ERBB2: variants seen among roughly 807,000 people sequenced by gnomAD.
ERBB2 encodes erb-b2 receptor tyrosine kinase 2, also known as receptor tyrosine-protein kinase erbB-2.
A neutral mutation model predicts 149.0 loss-of-function variants in ERBB2; 61 were observed. The observed-to-expected ratio is 0.41, with a 90% CI of 0.33 to 0.51. The LOEUF (loss-of-function observed/expected upper bound fraction) is 0.51, where lower values mean the gene tolerates loss of function less well. Among genes scored for constraint, ERBB2 ranks in the 20% least tolerant of loss-of-function variants. The probability of loss-of-function intolerance (pLI) is 0.25; values close to 1 mark genes in which losing one functional copy is unlikely to be tolerated. For synonymous variants in ERBB2, 633 were observed against 678.8 expected (o/e 0.93, Z 1.05); for missense variants, 1,205 against 1,655.1 (o/e 0.73, Z 4.72).
intron 2 of ERBB2, chr17:39,688,815 CGTTT>C (rs1272742494): frequency 6.6e-6 from 1 of 152,370 alleles, no homozygotes; most frequent in African/African-American, 2.4e-5. Flanking sequence ...GCGCTAACTG[CGTTT>C]GTTTGTTCTT....
At chr17:39,695,977 G>A (rs559826065), upstream of ERBB2, among the ~76,000 whole-genome samples, 1 of 152,014 alleles carries the variant, frequency 6.6e-6, no homozygotes, top group Non-Finnish European at 1.5e-5. Context: ...CCTCTGTCCC[G>A]CAGTCAGCCC....
chr17:39,690,655 C>T (rs2057674892), upstream of ERBB2, among the ~76,000 whole-genome samples: 1 of 152,194 alleles, frequency 6.6e-6, no homozygotes, highest in Non-Finnish European at 1.5e-5. Context: ...TACCTGGCCT[C>T]TCTTCCCAAC....
intron 12 of ERBB2, 37 bp from the exon 13 acceptor site, chr17:39,716,264 C>T: frequency 6.5e-7 from 1 of 1,532,316 alleles, no homozygotes; most frequent in South Asian, 1.2e-5. Flanking sequence ...GGGGCCTCCC[C>T]TAAAAGTCCC....
At chr17:39,709,498 C>G (rs376845205) in intron 4 of ERBB2, 46 bp downstream of exon 4, 14 of 1,608,762 alleles carry the variant, frequency 8.7e-6, no homozygotes, top group Middle Eastern at 3.5e-4. Context: ...GACAGCCTGA[C>G]CCCAGCCGCA....
upstream of ERBB2, among the ~76,000 whole-genome samples, chr17:39,694,332 T>C (rs1363004302): frequency 7.4e-6 from 1 of 134,898 alleles, no homozygotes; most frequent in African/African-American, 2.8e-5. Context: ...CACATATATA[T>C]GTGTATATAT....
In ERBB2 at chr17:39,727,046, C is replaced by T. The variant is rs2143197563; in HGVS notation, c.3159+43C>T. 1 of 1,507,402 alleles carries T rather than the reference C, an allele frequency of 6.6e-7. No individual in the cohort carries two copies. The highest frequency in any genetic ancestry group is 8.9e-7 in the Non-Finnish European group (1 of 1,121,330). 93.4% of individuals were successfully genotyped at this position (1,507,402 alleles called of 1,614,324 possible). ...CACTGTGTGGCTGTCTGCTTACCTCCCCCAACCCCGGTGGACTAGGGTCCC... is the reference window on the plus strand; with the variant it reads ...CACTGTGTGGCTGTCTGCTTACCTCTCCCAACCCCGGTGGACTAGGGTCCC... On this transcript the variant is annotated intron_variant, in intron 25 of 26. Transcript: ENST00000269571. The surrounding 1 kb of genome is among the most constrained non-coding windows in gnomAD (Gnocchi z 4.3).
rs746020984 is a variant in ERBB2, at chr17:39,715,479, T to G, written c.1256T>G (p.Leu419Arg). 2 of 1,614,212 alleles carry G rather than the reference T, an allele frequency of 1.2e-6. No homozygotes were observed. The highest frequency in any genetic ancestry group is 1.7e-6 in the Non-Finnish European group (2 of 1,180,034). ...TACATCTCAGCATGGCCGGACAGCC[T>G]GCCTGACCTCAGCGTCTTCCAGAAC... The part of the protein sequence containing the change: ...YLYISAWPDS[L>R]PDLSVFQNLQ... Residue 419 changes from leucine to arginine, a missense_variant, in exon 11 of 27, where the codon CTG becomes CGG. By Grantham distance (102) the Leu-to-Arg change is moderately radical. Transcript: ENST00000269571.
At chr17:39,691,574 T>TATATATATACAC (rs1244087250), upstream of ERBB2, among the ~76,000 whole-genome samples, 20 of 122,038 alleles carry the variant, frequency 1.6e-4, no homozygotes, top group African/African-American at 7.5e-4. Context: ...TATATATATA[T>TATATATATACAC]ACACACACAC....
chr17:39,721,074 G>A (rs577560557), intron 16 of ERBB2, among the ~76,000 whole-genome samples: 2 of 152,122 alleles, frequency 1.3e-5, no homozygotes, highest in Non-Finnish European at 2.9e-5. Context: ...CCCTTCTGCA[G>A]TAGCTGGGAC....
chr17:39,710,777 T>A (rs1488517536), intron 7 of ERBB2, among the ~76,000 whole-genome samples: 2 of 152,206 alleles, frequency 1.3e-5, no homozygotes, highest in African/African-American at 2.4e-5. Flanking sequence ...GGGGCAAGAA[T>A]AGTCCCAACT....
Position 39,727,619 on chromosome 17 carries a change from G to T in ERBB2, c.3413-70G>T, listed in dbSNP as rs1272791917. 6.4e-7 allele frequency: 1 copy of T among 1,562,342 alleles called. No individual in the cohort carries two copies. The highest frequency in any genetic ancestry group is 8.6e-7 in the Non-Finnish European group (1 of 1,158,026). The stretch of plus-strand genomic sequence containing the variant: ...GGACCTTCAGCCCAGGGTCCACTGT[G>T]GGGGCAGAGGGAGTGGCAGAGACAC... On this transcript the variant is annotated intron_variant, in intron 26 of 26. Transcript: ENST00000269571. The surrounding 1 kb of genome is among the most constrained non-coding windows in gnomAD (Gnocchi z 4.3).
Position 39,707,122 on chromosome 17 carries a change from C to G in ERBB2, c.206C>G (p.Ala69Gly), listed in dbSNP as rs777347427. The G allele has an allele frequency of 5.0e-6, 8 of 1,588,954 alleles. No homozygotes were observed. The Admixed American group carries it at 8.7e-5, about 17-fold the overall frequency. ...NLELTYLPTN[A>G]SLSFLQDIQE... ...GAACTCACCTACCTGCCCACCAATG[C>G]CAGCCTGTCCTTCCTGCAGGTGAGG... is the stretch of plus-strand genomic sequence containing the variant. The change falls in exon 2 of 27, where the codon GCC (alanine) becomes GGC (glycine). Residue 69 changes from alanine to glycine, a missense_variant. By Grantham distance (60) the Ala-to-Gly change is moderately conservative (BLOSUM62 0). Coordinates refer to ENST00000269571, the MANE Select transcript of ERBB2 (RefSeq NM_004448.4).
At chr17:39,700,504 G>A (rs183273756) in intron 1 of ERBB2, among the ~76,000 whole-genome samples, 193 bp downstream of exon 1, 153 of 152,354 alleles carry the variant, frequency 1.0e-3, no homozygotes, top group African/African-American at 3.4e-3. Context: ...ACACGGCAGC[G>A]GCTCGAGATG....
rs1443431488 is a variant in ERBB2, at chr17:39,725,126, C to G, written c.2571C>G (p.Asn857Lys). ...AARNVLVKSP[N>K]HVKITDFGLA... The stretch of plus-strand genomic sequence containing the variant: ...GGAACGTGCTGGTCAAGAGTCCCAA[C>G]CATGTCAAAATTACAGACTTCGGGC... Residue 857 changes from asparagine to lysine, a missense_variant, in exon 21 of 27, where the codon AAC becomes AAG. By Grantham distance (94) the Asn-to-Lys change is moderately conservative (BLOSUM62 0). Coordinates refer to ENST00000269571, the MANE Select transcript of ERBB2 (RefSeq NM_004448.4). This position sits in a 1 kb window ranked among gnomAD's most constrained non-coding sequence, Gnocchi z 4.6. 6.2e-7 allele frequency: 1 copy of G among 1,614,154 alleles called. No individual in the cohort carries two copies. Among genetic ancestry groups the G allele is most frequent in the Non-Finnish European group, 8.5e-7 (1 of 1,180,034 alleles).
intron 1 of ERBB2, among the ~76,000 whole-genome samples, chr17:39,706,216 C>T (rs1201919860): frequency 6.6e-6 from 1 of 152,210 alleles, no homozygotes; most frequent in African/African-American, 2.4e-5. Flanking sequence ...GCCTTTGTGG[C>T]AGCAGTTTCG....
upstream of ERBB2, among the ~76,000 whole-genome samples, chr17:39,690,702 C>T (rs1263747613): frequency 2.0e-5 from 3 of 152,188 alleles, no homozygotes; most frequent in African/African-American, 4.8e-5. Context: ...CCCTGAGCCT[C>T]CTTAGCTTGT....
intron 1 of ERBB2, chr17:39,706,700 C>A: frequency 3.3e-6 from 1 of 306,142 alleles, no homozygotes; most frequent in Non-Finnish European, 6.0e-6. Context: ...AGCCAACACC[C>A]TGTACTGGCG....
chr17:39,716,881 G>C, intron 14 of ERBB2: 2 of 510,412 alleles, frequency 3.9e-6, no homozygotes, highest in Non-Finnish European at 7.1e-6. Flanking sequence ...TCAGGCGTCA[G>C]ACTACCTGGA....
chr17:39,691,906 T>TACAG (rs1567886216), upstream of ERBB2, among the ~76,000 whole-genome samples: 28 of 90,244 alleles, frequency 3.1e-4, no homozygotes, highest in Admixed American at 1.9e-3. Flanking sequence ...TATAGATATA[T>TACAG]ATACATATAC....
Sources: gnomAD v4.1 joint callset for allele counts (sites outside exome capture counted in the v4.1 genomes callset) on GRCh38, gnomAD v4.1.1 for gene constraint, Gnocchi (gnomAD v3.1) non-coding constraint, MANE v1.5 for transcripts, NCBI Gene and HGNC (gene_info 2026-07-23, HGNC 2026-07-21) for gene names.